The following SNTG1 variants were observed in gnomAD, a reference collection of about 807,000 sequenced individuals.
The protein encoded by SNTG1 is gamma-1-syntrophin.
Under a neutral mutation model 74.7 loss-of-function variants are expected in SNTG1, and 39 were observed. The ratio of observed to expected loss-of-function variants is 0.52; its 90% confidence interval spans 0.40 to 0.68. The LOEUF (loss-of-function observed/expected upper bound fraction) is 0.68. Among genes scored for constraint, SNTG1 ranks in the 30% least tolerant of loss-of-function variants. The probability of loss-of-function intolerance (pLI) is 0.00; values close to 1 mark genes in which losing one functional copy is unlikely to be tolerated. For synonymous variants in SNTG1, 254 were observed against 217.1 expected, an observed-to-expected ratio of 1.17 and a Z score of -1.49; for missense variants, 685 against 609.5, an observed-to-expected ratio of 1.12 and a Z score of -1.30.
At chr8:50,195,810 CT>C (rs1453314098) in intron 2 of SNTG1, among the ~76,000 whole-genome samples, 1 of 152,178 alleles carries the variant, frequency 6.6e-6, no homozygotes, top group African/African-American at 2.4e-5. Flanking sequence ...GAGCAGTTCA[CT>C]TCCTTCAGAG....
chr8:50,631,835 G>T (rs78678664), intron 13 of SNTG1, among the ~76,000 whole-genome samples: 2 of 152,228 alleles, frequency 1.3e-5, no homozygotes, highest in East Asian at 3.9e-4. Context: ...CTGACTCTAC[G>T]CTCTGTAGTG....
chr8:49,984,406 T>C (rs536229365), intron 1 of SNTG1, among the ~76,000 whole-genome samples: 1 of 152,156 alleles, frequency 6.6e-6, no homozygotes, highest in African/African-American at 2.4e-5. Flanking sequence ...GGTTTCACCA[T>C]GTTGCCCAGG....
intron 4 of SNTG1, among the ~76,000 whole-genome samples, chr8:50,410,283 T>C (rs1302861155): frequency 6.6e-6 from 1 of 152,148 alleles, no homozygotes; most frequent in African/African-American, 2.4e-5. Context: ...AGGAACATTG[T>C]TTTTTCTTTT....
chr8:49,966,788 A>G (rs1811179040), intron 1 of SNTG1, among the ~76,000 whole-genome samples: 1 of 152,200 alleles, frequency 6.6e-6, no homozygotes, highest in African/African-American at 2.4e-5. Context: ...ATTTGTAACC[A>G]AGAATGGGTA....
chr8:49,935,561 C>T (rs1808006794), intron 1 of SNTG1, among the ~76,000 whole-genome samples: 1 of 150,762 alleles, frequency 6.6e-6, no homozygotes, highest in Non-Finnish European at 1.5e-5. Context: ...AAAAATCATG[C>T]AGCCCAGGTG....
At chr8:50,044,937 C>G (rs1818950457) in intron 1 of SNTG1, among the ~76,000 whole-genome samples, 1 of 152,074 alleles carries the variant, frequency 6.6e-6, no homozygotes, top group South Asian at 2.1e-4. Context: ...AAAATAGTGT[C>G]TAAAATATAG....
chr8:50,188,588 C>T (rs2083463204), intron 2 of SNTG1, among the ~76,000 whole-genome samples: 1 of 152,036 alleles, frequency 6.6e-6, no homozygotes, highest in Non-Finnish European at 1.5e-5. Flanking sequence ...GAGTAAGAGC[C>T]ATGCACATTT....
intron 1 of SNTG1, among the ~76,000 whole-genome samples, chr8:50,044,549 A>G (rs545338904): frequency 6.2e-4 from 95 of 152,252 alleles, no homozygotes; most frequent in African/African-American, 2.2e-3. Context: ...TTTGAACATG[A>G]TATTTTGTGT....
intron 8 of SNTG1, among the ~76,000 whole-genome samples, chr8:50,494,120 TACAC>T (rs911727660): frequency 6.7e-5 from 10 of 148,788 alleles, no homozygotes; most frequent in South Asian, 2.1e-4. Context: ...TATGTATATA[TACAC>T]ACACACACAC....
chr8:50,654,548 T>G (rs1205839380), intron 13 of SNTG1, among the ~76,000 whole-genome samples: 1 of 152,218 alleles, frequency 6.6e-6, no homozygotes, highest in African/African-American at 2.4e-5. Flanking sequence ...TGCCTAAATA[T>G]TCAGTTCTGC....
intron 1 of SNTG1, among the ~76,000 whole-genome samples, chr8:50,145,234 G>A (rs1001186606): frequency 6.6e-6 from 1 of 152,120 alleles, no homozygotes; most frequent in African/African-American, 2.4e-5. Context: ...TTCATCGAGT[G>A]CTAGTGGAGA....
At chr8:50,401,566 T>C (rs1318613661) in intron 3 of SNTG1, among the ~76,000 whole-genome samples, 2 of 152,092 alleles carry the variant, frequency 1.3e-5, no homozygotes, top group Non-Finnish European at 2.9e-5. Flanking sequence ...CTTGTTACCC[T>C]TATTTCCTTC....
At chr8:50,611,515 G>A (rs565262901) in intron 13 of SNTG1, among the ~76,000 whole-genome samples, 109 of 152,048 alleles carry the variant, frequency 7.2e-4, no homozygotes, top group Admixed American at 2.6e-3. Context: ...TTTTTATTCA[G>A]AAAAAAGGCA....
chr8:49,917,023 AT>A (rs945830543), intron 1 of SNTG1, among the ~76,000 whole-genome samples: 15 of 127,146 alleles, frequency 1.2e-4, no homozygotes, highest in South Asian at 2.9e-4. Context: ...TCTCAAAAAA[AT>A]ATATATATTA....
At chr8:50,583,177 T>C (rs1205352191) in intron 12 of SNTG1, among the ~76,000 whole-genome samples, 1 of 151,364 alleles carries the variant, frequency 6.6e-6, no homozygotes, top group African/African-American at 2.4e-5. Flanking sequence ...CCGAGGCGAG[T>C]GGATCACCTG....
rs150332746 is a variant in SNTG1, at chr8:50,312,523, C to T, written c.-27-81689C>T. Among the ~76,000 whole-genome samples, 54 of 140,404 alleles carry T rather than the reference C, an allele frequency of 3.8e-4. 4 individuals carry two copies. Among genetic ancestry groups the T allele is most frequent in the African/African-American group, 1.5e-3 (53 of 34,490 alleles). 92.1% of individuals were successfully genotyped at this position (140,404 alleles called of 152,430 possible). A position where few individuals can be genotyped will look rare whatever the true frequency, so the allele number is the denominator to read the frequency against. Reference sequence around the variant, plus strand: ...TCCAAGCAGTAGCTGTAAGCTGGCACTTCAGCTGCCTCAAGGAGGAAAGAG... The same window carrying T: ...TCCAAGCAGTAGCTGTAAGCTGGCATTTCAGCTGCCTCAAGGAGGAAAGAG... On this transcript the variant is annotated intron_variant, in intron 2 of 18. Coordinates refer to ENST00000642720, the MANE Select transcript of SNTG1 (RefSeq NM_018967.5).
intron 15 of SNTG1, among the ~76,000 whole-genome samples, chr8:50,702,633 T>C (rs1017726103): frequency 4.6e-5 from 7 of 152,212 alleles, no homozygotes; most frequent in Admixed American, 4.6e-4. Context: ...CAATTTTCAG[T>C]ACACTGCATA....
intron 12 of SNTG1, among the ~76,000 whole-genome samples, chr8:50,576,334 T>C (rs1370063413): frequency 6.6e-6 from 1 of 152,210 alleles, no homozygotes; most frequent in Non-Finnish European, 1.5e-5. Flanking sequence ...TATGTATCTA[T>C]GTGCCCGTTT....
At chr8:50,414,440 C>T (rs1321981525) in intron 4 of SNTG1, among the ~76,000 whole-genome samples, 1 of 152,012 alleles carries the variant, frequency 6.6e-6, no homozygotes, top group Non-Finnish European at 1.5e-5. Flanking sequence ...TACTGACACA[C>T]TAAGAGAGTT....
Sources: allele counts gnomAD v4.1 joint callset (sites outside exome capture counted in the v4.1 genomes callset), GRCh38; gene constraint gnomAD v4.1.1; transcripts MANE v1.5; gene names NCBI Gene and HGNC (gene_info 2026-07-23, HGNC 2026-07-21).